ZFPM2: variants seen among roughly 807,000 people sequenced by gnomAD.
ZFPM2 encodes zinc finger protein, FOG family member 2.
A neutral mutation model predicts 98.6 loss-of-function variants in ZFPM2; 20 were observed. The ratio of observed to expected loss-of-function variants is 0.20; its 90% CI spans 0.14 to 0.29. The LOEUF is 0.29. ZFPM2 is among the 10% of genes least tolerant of loss of function. The probability of loss-of-function intolerance (pLI) is 1.00; values close to 1 mark genes in which losing one functional copy is unlikely to be tolerated. For synonymous variants in ZFPM2, 518 were observed against 502.7 expected (o/e 1.03, Z -0.41); for missense variants, 1,310 against 1,388.6 (o/e 0.94, Z 0.90).
chr8:105,657,231 TG>T (rs1207058234), intron 5 of ZFPM2, among the ~76,000 whole-genome samples: 1 of 152,038 alleles, frequency 6.6e-6, no homozygotes, highest in Non-Finnish European at 1.5e-5. Flanking sequence ...CTCTGTCTCC[TG>T]GGTTCAAGCA....
chr8:105,789,527 T>G (rs1045723257), intron 6 of ZFPM2, among the ~76,000 whole-genome samples: 1 of 152,172 alleles, frequency 6.6e-6, no homozygotes, highest in Non-Finnish European at 1.5e-5. Context: ...CTATTGTGAA[T>G]AGTGCTGCAA....
chr8:105,567,797 C>G (rs558830168), intron 4 of ZFPM2, among the ~76,000 whole-genome samples: 1 of 152,036 alleles, frequency 6.6e-6, no homozygotes, highest in Non-Finnish European at 1.5e-5. Context: ...AAAATCTAAT[C>G]GAATTGAATT....
intron 4 of ZFPM2, among the ~76,000 whole-genome samples, chr8:105,579,441 G>GTCTTTGGT (rs1749927560): frequency 6.6e-6 from 1 of 152,100 alleles, no homozygotes; most frequent in African/African-American, 2.4e-5. Context: ...AAGGATTATT[G>GTCTTTGGT]TCTTTGGTTC....
intron 5 of ZFPM2, among the ~76,000 whole-genome samples, chr8:105,728,966 G>T (rs1811870944): frequency 6.6e-6 from 1 of 151,610 alleles, no homozygotes; most frequent in African/African-American, 2.4e-5. Flanking sequence ...GGATAAGAAG[G>T]CTTTGAGTGT....
chr8:105,323,003 GAAT>G (rs1228855529), intron 1 of ZFPM2, among the ~76,000 whole-genome samples: 1 of 151,488 alleles, frequency 6.6e-6, no homozygotes, highest in East Asian at 1.9e-4. Flanking sequence ...TTTAAAATAA[GAAT>G]ATTATATATT....
chr8:105,487,855 T>C (rs1813260838), intron 3 of ZFPM2, among the ~76,000 whole-genome samples: 1 of 152,202 alleles, frequency 6.6e-6, no homozygotes. Flanking sequence ...CACATTTTCT[T>C]ATTTAATTTG....
At chr8:105,799,550 A>G (rs1448088991) in intron 7 of ZFPM2, among the ~76,000 whole-genome samples, 1 of 152,200 alleles carries the variant, frequency 6.6e-6, no homozygotes, top group Non-Finnish European at 1.5e-5. Context: ...TGAAAAACAA[A>G]TAAGCTTTTT....
chr8:105,509,734 A>G (rs1563691745), intron 3 of ZFPM2, among the ~76,000 whole-genome samples: 1 of 151,826 alleles, frequency 6.6e-6, no homozygotes. Context: ...ACTTTTTATC[A>G]TTTTTTTAAC....
intron 3 of ZFPM2, 46 bp from the exon 4 acceptor site, chr8:105,561,317 A>G: frequency 6.8e-7 from 1 of 1,470,422 alleles, no homozygotes; most frequent in Non-Finnish European, 9.5e-7. Context: ...GGCTGCTGAT[A>G]AAGTACAAGT....
intron 1 of ZFPM2, among the ~76,000 whole-genome samples, chr8:105,393,345 T>TC (rs1811151883): frequency 1.3e-5 from 1 of 74,184 alleles, no homozygotes; most frequent in Non-Finnish European, 2.7e-5. Flanking sequence ...TGCCTTTCTT[T>TC]CTTTCTTTCT....
intron 5 of ZFPM2, among the ~76,000 whole-genome samples, chr8:105,640,670 A>G (rs748960121): frequency 4.6e-5 from 7 of 152,164 alleles, no homozygotes; most frequent in Admixed American, 1.3e-4. Context: ...CTTTCATTAC[A>G]AAGATTCTTG....
intron 3 of ZFPM2, among the ~76,000 whole-genome samples, chr8:105,451,353 A>G (rs1812480552): frequency 6.6e-6 from 1 of 152,158 alleles, no homozygotes; most frequent in Non-Finnish European, 1.5e-5. Flanking sequence ...TTTACAGTAG[A>G]AGCTCCCTCT....
intron 5 of ZFPM2, among the ~76,000 whole-genome samples, chr8:105,673,385 C>G (rs764827169): frequency 5.6e-4 from 85 of 151,940 alleles, no homozygotes; most frequent in Non-Finnish European, 9.3e-4. Context: ...TGATAGTCAG[C>G]AACCACTCAC....
At chr8:105,769,180 T>C (rs941248321) in intron 5 of ZFPM2, among the ~76,000 whole-genome samples, 1 of 151,962 alleles carries the variant, frequency 6.6e-6, no homozygotes, top group African/African-American at 2.4e-5. Flanking sequence ...AAAACACATA[T>C]TCACCTACAA....
chr8:105,372,263 T>C (rs1275633475), intron 1 of ZFPM2, among the ~76,000 whole-genome samples: 1 of 151,958 alleles, frequency 6.6e-6, no homozygotes, highest in African/African-American at 2.4e-5. Context: ...AGGATGGTCT[T>C]GATCTGCTGA....
intron 4 of ZFPM2, among the ~76,000 whole-genome samples, chr8:105,584,561 G>C (rs1180611263): frequency 5.3e-5 from 8 of 152,102 alleles, no homozygotes; most frequent in African/African-American, 1.9e-4. Context: ...CTATCTCCTA[G>C]TACTTCACAG....
chr8:105,747,278 TA>T (rs1812370203), intron 5 of ZFPM2, among the ~76,000 whole-genome samples: 1 of 152,068 alleles, frequency 6.6e-6, no homozygotes, highest in Non-Finnish European at 1.5e-5. Flanking sequence ...ATTAAAAATG[TA>T]GTTAACTCCA....
At chr8:105,471,494 A>T (rs114814422) in intron 3 of ZFPM2, among the ~76,000 whole-genome samples, 2,910 of 152,256 alleles carry the variant, frequency 0.019, 93 homozygotes, top group African/African-American at 0.066. Flanking sequence ...AACTTTTTGG[A>T]CGAGGATGGG....
At chr8:105,703,120 A>T (rs565824724) in intron 5 of ZFPM2, among the ~76,000 whole-genome samples, 2 of 152,188 alleles carry the variant, frequency 1.3e-5, no homozygotes, top group African/African-American at 2.4e-5. Context: ...AAGGATTAGC[A>T]TGATGGTAAG....
Sources: gnomAD v4.1 joint callset for allele counts (sites outside exome capture counted in the v4.1 genomes callset) on GRCh38, gnomAD v4.1.1 for gene constraint, MANE v1.5 for transcripts, NCBI Gene and HGNC (gene_info 2026-07-23, HGNC 2026-07-21) for gene names.